The following ATE1 variants were observed in gnomAD, a reference collection of about 807,000 sequenced individuals.
The protein encoded by ATE1 is arginyltransferase 1, also known as arginyl-tRNA--protein transferase 1.
ATE1 carries 36 observed loss-of-function variants against 70.5 expected under a neutral mutation model. That is an observed-to-expected ratio of 0.51 (90% CI 0.39 to 0.67). ATE1 has a LOEUF of 0.67. Ranked by LOEUF, ATE1 falls within the 30% of genes least tolerant of loss-of-function variation. ATE1 has a pLI of 0.00. For synonymous variants in ATE1, 232 were observed against 219.3 expected (o/e 1.06, Z -0.51); for missense variants, 593 against 629.5 (o/e 0.94, Z 0.62).
intron 10 of ATE1, among the ~76,000 whole-genome samples, chr10:121,828,751 G>A (rs1050054625): frequency 6.6e-6 from 1 of 152,130 alleles, no homozygotes; most frequent in Non-Finnish European, 1.5e-5. Context: ...AAAACATGGG[G>A]CTCACTACAC....
chr10:121,873,454 C>A (rs1249226083), intron 7 of ATE1, among the ~76,000 whole-genome samples: 3 of 152,026 alleles, frequency 2.0e-5, no homozygotes, highest in Non-Finnish European at 2.9e-5. Flanking sequence ...TCATCGGTAG[C>A]CTGACTCATA....
rs574298672 is a variant in ATE1 at position 121,922,824 on chromosome 10, C to T, written c.171-413G>A. ...AGCACGGAGTACCCCAAAACTAACC[C>T]GCTTCTTTCCATGCATTCCAGGTCT... On this transcript the variant is annotated intron_variant, in intron 2 of 11. Coordinates refer to ENST00000224652, the MANE Select transcript of ATE1 (RefSeq NM_001001976.3). Among the ~76,000 whole-genome samples, 15 of 152,268 alleles carry T rather than the reference C, an allele frequency of 9.9e-5. No homozygotes were observed. In the East Asian group the frequency reaches 2.3e-3, roughly 24 times the overall value.
chr10:121,807,532 T>C (rs1254341020), intron 10 of ATE1, among the ~76,000 whole-genome samples: 1 of 152,244 alleles, frequency 6.6e-6, no homozygotes, highest in African/African-American at 2.4e-5. Flanking sequence ...GTACTTATAT[T>C]ATAGCTGATC....
intron 11 of ATE1, among the ~76,000 whole-genome samples, chr10:121,753,202 T>C (rs570378074): frequency 2.0e-5 from 3 of 152,358 alleles, no homozygotes; most frequent in Non-Finnish European, 2.9e-5. Context: ...TTTTATTTGA[T>C]AGTTCTTTAC....
intron 8 of ATE1, among the ~76,000 whole-genome samples, chr10:121,848,950 C>A (rs1478278195): frequency 1.3e-5 from 2 of 150,098 alleles, no homozygotes; most frequent in Admixed American, 1.3e-4. Context: ...TATGCTCATG[C>A]CTGTAATCCC....
intron 11 of ATE1, among the ~76,000 whole-genome samples, chr10:121,776,934 GCA>G (rs1431215953): frequency 6.6e-5 from 10 of 152,218 alleles, no homozygotes; most frequent in Admixed American, 6.5e-4. Context: ...GTGAAATTGA[GCA>G]CAGTTATGGA....
At chr10:121,904,633 T>A (rs1590686027) in intron 5 of ATE1, among the ~76,000 whole-genome samples, 2 of 98,142 alleles carry the variant, frequency 2.0e-5, no homozygotes, top group Non-Finnish European at 3.6e-5. Context: ...AGAGCGAGAC[T>A]CCGTCTCAAA....
intron 10 of ATE1, among the ~76,000 whole-genome samples, chr10:121,819,553 T>A (rs1947698533): frequency 6.7e-6 from 1 of 150,096 alleles, no homozygotes; most frequent in African/African-American, 2.5e-5. Flanking sequence ...AAATACAAAA[T>A]AAAATTAGCC....
In ATE1 at chr10:121,884,213, C is replaced by T. The variant is rs147942475; in HGVS notation, c.943-14175G>A. 4.0e-3 allele frequency among the ~76,000 whole-genome samples: 592 copies of T among 149,178 alleles called. 3 individuals carry two copies. Among genetic ancestry groups the T allele is most frequent in the African/African-American group, 0.014 (564 of 40,650 alleles). ...ATTAATTAATTCTTTAAATATGAGA[C>T]ATTCATCTATATAATCCTAAAATCC... On this transcript the variant is annotated intron_variant, in intron 7 of 11. Coordinates refer to ENST00000224652, the MANE Select transcript of ATE1 (RefSeq NM_001001976.3).
intron 5 of ATE1, among the ~76,000 whole-genome samples, chr10:121,905,817 G>A (rs953900334): frequency 2.6e-5 from 4 of 151,206 alleles, no homozygotes; most frequent in African/African-American, 9.7e-5. Flanking sequence ...TGCACTCCAG[G>A]CCTAAGCAAC....
Position 121,763,817 on chromosome 10 carries a change from C to G in ATE1, c.1379-19959G>C, listed in dbSNP as rs186165401. The stretch of plus-strand genomic sequence containing the variant: ...TCACTTGAGGCCAGGAGTTTGAGAC[C>G]AGCCTGGCCAACATGGAGAAACCTC... On this transcript the variant is annotated intron_variant, in intron 11 of 11. Coordinates refer to ENST00000224652, the MANE Select transcript of ATE1 (RefSeq NM_001001976.3). Among the ~76,000 whole-genome samples, 1,105 of 152,192 alleles carry G rather than the reference C, an allele frequency of 7.3e-3. 16 individuals are homozygous for G. Among genetic ancestry groups the G allele is most frequent in the East Asian group, 0.031 (160 of 5,178 alleles).
At chr10:121,809,426 T>C (rs1446966887) in intron 10 of ATE1, among the ~76,000 whole-genome samples, 1 of 152,172 alleles carries the variant, frequency 6.6e-6, no homozygotes, top group Non-Finnish European at 1.5e-5. Flanking sequence ...ACAAGCACTT[T>C]ACATATACTA....
At position 121,744,723 on chromosome 10, in the gene ATE1, T is replaced by G. The variant is rs535546964; in HGVS notation, c.1379-865A>C. Among the ~76,000 whole-genome samples the G allele has an allele frequency of 1.6e-4, 25 of 152,252 alleles. 1 individual carries two copies. Among genetic ancestry groups the G allele is most frequent in the Admixed American group, 1.6e-3 (24 of 15,294 alleles). On this transcript the variant is annotated intron_variant, in intron 11 of 11. Transcript: ENST00000224652. Reference sequence around the variant, plus strand: ...GCTGCCACTATCTGTCCTTCTCTTCTTTCATATAAAACCAGCCCCGGTTTT... The same window carrying G: ...GCTGCCACTATCTGTCCTTCTCTTCGTTCATATAAAACCAGCCCCGGTTTT...
chr10:121,869,865 C>T, intron 8 of ATE1, 141 bp downstream of exon 8: 2 of 626,986 alleles, frequency 3.2e-6, no homozygotes, highest in South Asian at 4.4e-5. Context: ...TGCAGTAACT[C>T]ACTCCATTAC....
intron 11 of ATE1, among the ~76,000 whole-genome samples, chr10:121,752,270 G>A (rs150284771): frequency 0.011 from 1,447 of 127,140 alleles, 14 homozygotes; most frequent in African/African-American, 0.03. Flanking sequence ...TCCCTCTGTC[G>A]CCCAGGCTGG....
intron 7 of ATE1, among the ~76,000 whole-genome samples, chr10:121,872,950 A>G (rs901396099): frequency 3.3e-5 from 5 of 152,122 alleles, no homozygotes; most frequent in African/African-American, 7.2e-5. Context: ...AAAAAATGTA[A>G]TATGTTTTAC....
At chr10:121,752,684 C>T (rs959357518) in intron 11 of ATE1, among the ~76,000 whole-genome samples, 1 of 152,148 alleles carries the variant, frequency 6.6e-6, no homozygotes, top group Non-Finnish European at 1.5e-5. Flanking sequence ...GTCTTGGCAT[C>T]CTTTTTGAAA....
intron 11 of ATE1, among the ~76,000 whole-genome samples, chr10:121,785,546 A>AT (rs1946169606): frequency 6.6e-6 from 1 of 152,190 alleles, no homozygotes; most frequent in Non-Finnish European, 1.5e-5. Context: ...CTATGAAAGT[A>AT]TAAAAAAAAT....
rs1031421209 is a variant in ATE1, at chr10:121,740,574, A to C, written c.*3106T>G. 6.6e-6 allele frequency: 1 copy of C among 152,206 alleles called. No homozygotes were observed. The highest frequency in any genetic ancestry group is 1.5e-5 in the Non-Finnish European group (1 of 68,032). 9.4% of individuals were successfully genotyped at this position (152,206 alleles called of 1,614,324 possible). On this transcript the variant is annotated 3_prime_UTR_variant, in exon 12 of 12. Transcript: ENST00000224652. ...CTTTTAGAAAAGAGTGTGCACTTGA[A>C]TAACTTCTAATTCAAACATTTTCCA...
Sources: gnomAD v4.1 joint callset for allele counts (sites outside exome capture counted in the v4.1 genomes callset) on GRCh38, gnomAD v4.1.1 for gene constraint, MANE v1.5 for transcripts, NCBI Gene and HGNC (gene_info 2026-07-23, HGNC 2026-07-21) for gene names.